SPATA21: variants seen among roughly 807,000 people sequenced by gnomAD.
SPATA21 encodes spermatogenesis associated 21.
SPATA21 carries 47 observed loss-of-function variants against 54.8 expected under a neutral mutation model. The ratio of observed to expected loss-of-function variants is 0.86; its 90% CI spans 0.68 to 1.09. The LOEUF (loss-of-function observed/expected upper bound fraction) is 1.09, where lower values mean the gene tolerates loss of function less well. SPATA21 is among the 50% of genes least tolerant of loss of function. The probability of loss-of-function intolerance (pLI) is 0.00; values close to 1 mark genes in which losing one functional copy is unlikely to be tolerated. For missense variants in SPATA21, 599 were observed against 596.4 expected (o/e 1.00, Z -0.05); for synonymous variants, 245 against 235.3 (o/e 1.04, Z -0.38).
Position 16,409,600 on chromosome 1 carries a change from C to A in SPATA21, c.587+1G>T, listed in dbSNP as rs753293912. 1 of 1,609,204 alleles carries A rather than the reference C, an allele frequency of 6.2e-7. No individual in the cohort carries two copies. Among genetic ancestry groups the A allele is most frequent in the Non-Finnish European group, 8.5e-7 (1 of 1,179,060 alleles). ...GGCGGGTGAGCAGCGGGGGCTCCTA[C>A]CGCGCCTTGGCGTAGCTCAGGGTTC... On this transcript the variant is annotated splice_donor_variant, in intron 6 of 12. Coordinates refer to ENST00000335496, the MANE Select transcript of SPATA21 (RefSeq NM_198546.1). LOFTEE classifies it high-confidence loss of function. The surrounding 1 kb of genome is among the most constrained non-coding windows in gnomAD (Gnocchi z 4.1).
intron 3 of SPATA21, chr1:16,422,305 G>T: frequency 2.0e-6 from 2 of 978,500 alleles, no homozygotes; most frequent in Non-Finnish European, 2.7e-6. Context: ...TAGGGTCCCA[G>T]CACTTCAGGC....
At chr1:16,433,664 G>A (rs1316314139) in intron 1 of SPATA21, among the ~76,000 whole-genome samples, 1 of 152,176 alleles carries the variant, frequency 6.6e-6, no homozygotes, top group Non-Finnish European at 1.5e-5. Flanking sequence ...AAGCCCCAGA[G>A]GGGCTCCAGC....
At chr1:16,436,452 A>C (rs1268409754) in intron 1 of SPATA21, among the ~76,000 whole-genome samples, 1 of 151,664 alleles carries the variant, frequency 6.6e-6, no homozygotes, top group Non-Finnish European at 1.5e-5. Context: ...GTGGACCAAA[A>C]TCTTACAAAT....
At chr1:16,400,424 A>G in intron 11 of SPATA21, 1 of 1,104,592 alleles carries the variant, frequency 9.1e-7, no homozygotes, top group Non-Finnish European at 1.1e-6. Context: ...ATAAACAGTG[A>G]GCTGGGATTG....
At position 16,409,773 on chromosome 1, in the gene SPATA21, G is replaced by A; in HGVS notation, c.415C>T (p.Pro139Ser). The change falls in exon 6 of 13, where the codon CCA (proline) becomes TCA (serine). Residue 139 changes from proline to serine, a missense_variant. Transcript: ENST00000335496. This position sits in a 1 kb window ranked among gnomAD's most constrained non-coding sequence, Gnocchi z 4.1. ...QTPASVPASG[P>S]SWARLPAPGP... is the part of the protein sequence containing the mutation. ...GGAGCTGGCAGCCGGGCCCACGATG[G>A]GCCGCTGGCAGGGACCGAGGCAGGG... 6.2e-7 allele frequency: 1 copy of A among 1,605,450 alleles called. No homozygotes were observed. Among genetic ancestry groups the A allele is most frequent in the Non-Finnish European group, 8.5e-7 (1 of 1,176,380 alleles).
intron 3 of SPATA21, among the ~76,000 whole-genome samples, chr1:16,426,579 A>ATATATATATATATATATT (rs1401259793): frequency 1.0e-4 from 11 of 107,156 alleles, no homozygotes; most frequent in East Asian, 1.0e-3. Context: ...ATATATATAT[A>ATATATATATATATATATT]TTTTTTTTTT....
At chr1:16,398,180 C>G (rs1322019549), downstream of SPATA21, 4 of 218,758 alleles carry the variant, frequency 1.8e-5, no homozygotes, top group Non-Finnish European at 3.1e-5. Flanking sequence ...TGCCCTCTAC[C>G]TCTTGCTGTG....
Position 16,403,709 on chromosome 1 carries a change from A to G in SPATA21, c.1001+18T>C. 1 of 1,606,422 alleles carries G rather than the reference A, an allele frequency of 6.2e-7. No individual in the cohort carries two copies. The highest frequency in any genetic ancestry group is 8.5e-7 in the Non-Finnish European group (1 of 1,173,374). ...CTGTGTCCACAACCCTTCACCCCCA[A>G]CAACCGGCCCCACTCACTTTGTGAT... On this transcript the variant is annotated intron_variant, in intron 10 of 12. Coordinates refer to ENST00000335496, the MANE Select transcript of SPATA21 (RefSeq NM_198546.1).
intron 5 of SPATA21, among the ~76,000 whole-genome samples, chr1:16,411,675 A>G (rs2085849568): frequency 6.6e-6 from 1 of 151,716 alleles, no homozygotes; most frequent in Non-Finnish European, 1.5e-5. Context: ...CTGTAGTTCC[A>G]GCTACTAAGG....
At chr1:16,398,905 C>G in intron 12 of SPATA21, 83 bp from the exon 13 acceptor site, 1 of 1,414,610 alleles carries the variant, frequency 7.1e-7, no homozygotes, top group Non-Finnish European at 9.6e-7. Flanking sequence ...TGTGCGTGCC[C>G]AAGTGAGGAG....
At chr1:16,424,852 C>T (rs528715490) in intron 3 of SPATA21, 3 of 195,536 alleles carry the variant, frequency 1.5e-5, no homozygotes, top group Non-Finnish European at 3.2e-5. Context: ...AACCTGGCAC[C>T]TCCTCCCTCC....
chr1:16,432,723 G>A (rs1053257959), intron 2 of SPATA21, 67 bp downstream of exon 2: 2 of 152,276 alleles, frequency 1.3e-5, no homozygotes, highest in Admixed American at 1.3e-4. Context: ...CCCTTTCACT[G>A]TTAACTAGTT....
intron 5 of SPATA21, among the ~76,000 whole-genome samples, chr1:16,410,397 T>C (rs1326108150): frequency 1.3e-5 from 2 of 150,982 alleles, no homozygotes; most frequent in African/African-American, 2.4e-5. Flanking sequence ...AGCCGCGCAC[T>C]ACAACGCCCA....
intron 5 of SPATA21, among the ~76,000 whole-genome samples, chr1:16,418,089 T>C (rs1281752261): frequency 6.6e-6 from 1 of 152,146 alleles, no homozygotes; most frequent in Non-Finnish European, 1.5e-5. Context: ...GCTTTCCTTG[T>C]CCTTTCTCTC....
In SPATA21 at chr1:16,409,250, C is replaced by A. The variant is rs775675313; in HGVS notation, c.588-47G>T. 1 of 1,606,894 alleles carries A rather than the reference C, an allele frequency of 6.2e-7. No individual in the cohort carries two copies. The highest frequency in any genetic ancestry group is 1.3e-5 in the African/African-American group (1 of 74,774). On this transcript the variant is annotated intron_variant, in intron 6 of 12. Coordinates refer to ENST00000335496, the MANE Select transcript of SPATA21 (RefSeq NM_198546.1). This position sits in a 1 kb window ranked among gnomAD's most constrained non-coding sequence, Gnocchi z 4.1. ...CCCAGGGCAACATCCGGCCGCCCACCCTGCTGATAGCTAGGGGAGGGGTTG... is the reference window on the plus strand; with the variant it reads ...CCCAGGGCAACATCCGGCCGCCCACACTGCTGATAGCTAGGGGAGGGGTTG...
intron 5 of SPATA21, chr1:16,410,795 C>T (rs1236653393): frequency 5.1e-6 from 2 of 391,132 alleles, no homozygotes; most frequent in Admixed American, 5.6e-5. Flanking sequence ...GATCCTCCGC[C>T]TTGGCCTCCC....
intron 7 of SPATA21, among the ~76,000 whole-genome samples, chr1:16,407,774 T>C (rs923673868): frequency 4.6e-5 from 7 of 151,692 alleles, no homozygotes; most frequent in African/African-American, 1.5e-4. Flanking sequence ...GTATATTATT[T>C]TATTTTTAAG....
At chr1:16,400,501 G>A in intron 11 of SPATA21, 1 of 1,320,008 alleles carries the variant, frequency 7.6e-7, no homozygotes, top group East Asian at 3.0e-5. Context: ...GGCTAAGGCA[G>A]GAGGGGAGGA....
intron 3 of SPATA21, among the ~76,000 whole-genome samples, chr1:16,429,518 A>G (rs1024691417): frequency 5.9e-5 from 9 of 151,976 alleles, no homozygotes; most frequent in African/African-American, 1.7e-4. Context: ...CTTGTTGCCC[A>G]GGCTGGAGTG....
Sources: gnomAD v4.1 joint callset for allele counts (sites outside exome capture counted in the v4.1 genomes callset) on GRCh38, gnomAD v4.1.1 for gene constraint, Gnocchi (gnomAD v3.1) non-coding constraint, MANE v1.5 for transcripts, NCBI Gene and HGNC (gene_info 2026-07-23, HGNC 2026-07-21) for gene names.